PRUNE2: variants seen among roughly 807,000 people sequenced by gnomAD.
PRUNE2 encodes the protein protein prune homolog 2.
PRUNE2 carries 164 observed loss-of-function variants against 252.0 expected under a neutral mutation model. That is an observed-to-expected ratio of 0.65 (90% CI 0.57 to 0.74). The LOEUF (loss-of-function observed/expected upper bound fraction) is 0.74. PRUNE2 is among the 30% of genes least tolerant of loss of function. PRUNE2 has a pLI of 0.00. For synonymous variants in PRUNE2, 1,292 were observed against 1,350.2 expected, an observed-to-expected ratio of 0.96 and a Z score of 0.94; for missense variants, 3,495 against 3,711.0, an observed-to-expected ratio of 0.94 and a Z score of 1.51.
At chr9:76,798,361 A>G (rs140105176) in intron 6 of PRUNE2, among the ~76,000 whole-genome samples, 361 of 152,298 alleles carry the variant, frequency 2.4e-3, no homozygotes, top group African/African-American at 8.3e-3. Flanking sequence ...TACTTTAGGT[A>G]CCTCAATAAG....
chr9:76,831,718 A>G (rs2132119738), intron 4 of PRUNE2, among the ~76,000 whole-genome samples: 1 of 152,256 alleles, frequency 6.6e-6, no homozygotes, highest in Middle Eastern at 3.4e-3. Context: ...AAAGAAGAAA[A>G]TGTGTGACAA....
chr9:76,788,437 G>T (rs183697573), intron 6 of PRUNE2: 3 of 755,704 alleles, frequency 4.0e-6, no homozygotes, highest in African/African-American at 3.4e-5. Flanking sequence ...CTGTAGCACA[G>T]TGGTCCCAGG....
chr9:76,744,100 A>C (rs1037065599), intron 6 of PRUNE2, among the ~76,000 whole-genome samples: 1 of 152,234 alleles, frequency 6.6e-6, no homozygotes, highest in African/African-American at 2.4e-5. Context: ...CTCATTTGTT[A>C]AACAGTCAGT....
At chr9:76,684,749 G>A (rs1452548265) in intron 9 of PRUNE2, among the ~76,000 whole-genome samples, 1 of 152,076 alleles carries the variant, frequency 6.6e-6, no homozygotes, top group African/African-American at 2.4e-5. Context: ...CTCCACTTCT[G>A]CCTCTTATTT....
chr9:76,843,074 T>C (rs2059479044), intron 4 of PRUNE2, among the ~76,000 whole-genome samples: 1 of 152,174 alleles, frequency 6.6e-6, no homozygotes, highest in South Asian at 2.1e-4. Context: ...CCAACCCAAA[T>C]GCCCATCAAT....
chr9:76,871,045 C>T (rs963407933), intron 1 of PRUNE2, among the ~76,000 whole-genome samples: 2 of 152,176 alleles, frequency 1.3e-5, no homozygotes, highest in African/African-American at 2.4e-5. Context: ...GGGAATCCTA[C>T]GTTATCCCTA....
At chr9:76,743,661 C>T (rs2049853619) in intron 6 of PRUNE2, among the ~76,000 whole-genome samples, 1 of 152,198 alleles carries the variant, frequency 6.6e-6, no homozygotes, top group African/African-American at 2.4e-5. Context: ...ATTTGACATA[C>T]TGTTAATAGG....
chr9:76,894,192 C>T (rs1268900220), intron 1 of PRUNE2, among the ~76,000 whole-genome samples: 1 of 152,198 alleles, frequency 6.6e-6, no homozygotes, highest in Non-Finnish European at 1.5e-5. Context: ...GGCTAAAAGA[C>T]TGCCCACCCT....
chr9:76,682,297 T>C lies in PRUNE2; in HGVS notation c.8276+21040A>G, dbSNP rs371144786. Among the ~76,000 whole-genome samples, 9 of 151,278 alleles carry C rather than the reference T, an allele frequency of 5.9e-5. No homozygotes were observed. In the East Asian group the frequency reaches 1.7e-3, roughly 29 times the overall value. Reference sequence around the variant, plus strand: ...TATTTTATATATAAAAATAGAATTATATATGATAGAAAATATAAAGGAAAA... The same window carrying C: ...TATTTTATATATAAAAATAGAATTACATATGATAGAAAATATAAAGGAAAA... On this transcript the variant is annotated intron_variant, in intron 9 of 18. Coordinates refer to ENST00000376718, the MANE Select transcript of PRUNE2 (RefSeq NM_015225.3).
intron 6 of PRUNE2, among the ~76,000 whole-genome samples, chr9:76,774,427 C>G (rs575105338): frequency 1.5e-5 from 2 of 135,786 alleles, no homozygotes; most frequent in African/African-American, 6.4e-5. Context: ...CATGAGCCAT[C>G]GTTCCTGGCC....
chr9:76,795,634 A>AG (rs1421267334), intron 6 of PRUNE2, among the ~76,000 whole-genome samples: 3 of 152,192 alleles, frequency 2.0e-5, no homozygotes, highest in Non-Finnish European at 4.4e-5. Context: ...AAGGGGAAAG[A>AG]GGGGGCACAG....
In PRUNE2 at chr9:76,638,253, A is replaced by G. The variant is rs566386916; in HGVS notation, c.8764T>C (p.Phe2922Leu). The change falls in exon 13 of 19, where the codon TTT (phenylalanine) becomes CTT (leucine). Residue 2922 changes from phenylalanine to leucine, a missense_variant. Transcript: ENST00000376718. Reference sequence around the variant, plus strand: ...CTGTCTGGCAGAAAACAGGCGGCAAACACAATGATGGCATTTAGACCGTCC... The same window carrying G: ...CTGTCTGGCAGAAAACAGGCGGCAAGCACAATGATGGCATTTAGACCGTCC... ...YGDGLNAIIV[F>L]AACFLPDSSR... The G allele has an allele frequency of 1.2e-6, 2 of 1,613,868 alleles. No individual in the cohort carries two copies. Among genetic ancestry groups the G allele is most frequent in the African/African-American group, 2.7e-5 (2 of 75,058 alleles).
intron 9 of PRUNE2, among the ~76,000 whole-genome samples, chr9:76,700,022 T>G (rs1192608833): frequency 6.6e-6 from 1 of 152,208 alleles, no homozygotes; most frequent in African/African-American, 2.4e-5. Flanking sequence ...CAAAGGATTC[T>G]GGAAAGATTG....
intron 11 of PRUNE2, among the ~76,000 whole-genome samples, chr9:76,649,194 A>G (rs1846138523): frequency 6.6e-6 from 1 of 152,342 alleles, no homozygotes; most frequent in Non-Finnish European, 1.5e-5. Flanking sequence ...GAATACAGAC[A>G]TGCTTCATGA....
chr9:76,646,617 G>A (rs1217923111), intron 11 of PRUNE2, among the ~76,000 whole-genome samples: 1 of 152,062 alleles, frequency 6.6e-6, no homozygotes, highest in African/African-American at 2.4e-5. Context: ...TTCCTACATG[G>A]GTTAGGACCC....
At chr9:76,840,574 AGC>A (rs2059328298) in intron 4 of PRUNE2, among the ~76,000 whole-genome samples, 1 of 152,268 alleles carries the variant, frequency 6.6e-6, no homozygotes, top group African/African-American at 2.4e-5. Context: ...TTCAAGTCTC[AGC>A]CATAAATATC....
At chr9:76,794,597 AAGAG>A (rs1399159805) in intron 6 of PRUNE2, among the ~76,000 whole-genome samples, 1 of 149,002 alleles carries the variant, frequency 6.7e-6, no homozygotes, top group African/African-American at 2.5e-5. Flanking sequence ...CCTGGCGACA[AAGAG>A]AGACTCTGTC....
At chr9:76,842,383 C>T (rs976553289) in intron 4 of PRUNE2, among the ~76,000 whole-genome samples, 3 of 152,168 alleles carry the variant, frequency 2.0e-5, no homozygotes, top group African/African-American at 7.2e-5. Context: ...ACCATAATAA[C>T]CCTAGAAGAA....
intron 9 of PRUNE2, among the ~76,000 whole-genome samples, chr9:76,666,200 G>A (rs916012194): frequency 1.4e-4 from 22 of 152,262 alleles, no homozygotes; most frequent in Admixed American, 2.6e-4. Context: ...GTTGCCAAGC[G>A]GACCGTGGTC....
Sources: allele counts gnomAD v4.1 joint callset (sites outside exome capture counted in the v4.1 genomes callset), GRCh38; gene constraint gnomAD v4.1.1; transcripts MANE v1.5; gene names NCBI Gene and HGNC (gene_info 2026-07-23, HGNC 2026-07-21).